WWOX: variants seen among roughly 807,000 people sequenced by gnomAD.
WWOX encodes WW domain-containing oxidoreductase.
A neutral mutation model predicts 46.2 loss-of-function variants in WWOX; 69 were observed. That is an observed-to-expected ratio of 1.49 (90% CI 1.23 to 1.82). The LOEUF is 1.82. Among genes scored for constraint, WWOX ranks in the 40% most tolerant of loss-of-function variants. The probability of loss-of-function intolerance (pLI) is 0.00; values close to 1 mark genes in which losing one functional copy is unlikely to be tolerated. For missense variants in WWOX, 919 were observed against 542.6 expected (o/e 1.69, Z -6.89); for synonymous variants, 359 against 202.6 (o/e 1.77, Z -6.56).
chr16:78,933,187 C>G (rs773649816), intron 8 of WWOX, among the ~76,000 whole-genome samples: 82 of 152,308 alleles, frequency 5.4e-4, no homozygotes, highest in African/African-American at 1.8e-3. Context: ...GCCTGTAATC[C>G]CAGCACTTTG....
chr16:79,208,401 G>A (rs1393133765), intron 8 of WWOX, among the ~76,000 whole-genome samples: 1 of 151,904 alleles, frequency 6.6e-6, no homozygotes, highest in Non-Finnish European at 1.5e-5. Flanking sequence ...AAATCGTTTA[G>A]GGGAACCCAT....
intron 8 of WWOX, among the ~76,000 whole-genome samples, chr16:79,015,784 G>A (rs771137037): frequency 3.5e-4 from 53 of 151,694 alleles, no homozygotes; most frequent in African/African-American, 1.3e-3. Flanking sequence ...ACAGACTGTC[G>A]CTCTGTCGCC....
intron 5 of WWOX, among the ~76,000 whole-genome samples, chr16:78,381,005 A>G (rs1163683116): frequency 1.3e-5 from 2 of 152,170 alleles, no homozygotes; most frequent in African/African-American, 4.8e-5. Context: ...ATGCTCATTC[A>G]TAATTAAGGC....
At chr16:78,907,905 C>A (rs1262540959) in intron 8 of WWOX, among the ~76,000 whole-genome samples, 1 of 152,200 alleles carries the variant, frequency 6.6e-6, no homozygotes, top group Non-Finnish European at 1.5e-5. Flanking sequence ...AATTCACCAA[C>A]TGCAAGGGGC....
chr16:78,380,500 C>T (rs1397307126), intron 5 of WWOX, among the ~76,000 whole-genome samples: 3 of 152,118 alleles, frequency 2.0e-5, no homozygotes, highest in Non-Finnish European at 4.4e-5. Context: ...AGTGACGACC[C>T]ATTCAGCCGT....
chr16:78,390,782 T>C (rs1272734891), intron 6 of WWOX, among the ~76,000 whole-genome samples: 2 of 152,210 alleles, frequency 1.3e-5, no homozygotes, highest in African/African-American at 4.8e-5. Context: ...TAAAATTTTC[T>C]TGTGTGTAAA....
chr16:78,403,304 A>G (rs1352421771), intron 6 of WWOX, among the ~76,000 whole-genome samples: 2 of 152,124 alleles, frequency 1.3e-5, no homozygotes, highest in African/African-American at 4.8e-5. Flanking sequence ...ATTTAAATAA[A>G]CTCTCTTTGC....
chr16:78,403,626 A>G (rs992367395), intron 6 of WWOX, among the ~76,000 whole-genome samples: 9 of 152,148 alleles, frequency 5.9e-5, no homozygotes, highest in Non-Finnish European at 8.8e-5. Context: ...TATTATTTTA[A>G]TAGAAGCACT....
chr16:78,906,542 G>A lies in WWOX; in HGVS notation c.1057-305066G>A, dbSNP rs963189653. 6.2e-4 allele frequency among the ~76,000 whole-genome samples: 94 copies of A among 152,182 alleles called. 1 individual carries two copies. The highest frequency in any genetic ancestry group is 2.2e-3 in the African/African-American group (93 of 41,518). On this transcript the variant is annotated intron_variant, in intron 8 of 8. Transcript: ENST00000566780. ...AGGCCACGATTGCAGGGTAGTCCACGGCTTCCAAAGAGAACTGCATAAATA... is the reference window on the plus strand; with the variant it reads ...AGGCCACGATTGCAGGGTAGTCCACAGCTTCCAAAGAGAACTGCATAAATA...
chr16:79,115,716 GA>G (rs1281907525), intron 8 of WWOX, among the ~76,000 whole-genome samples: 2 of 152,032 alleles, frequency 1.3e-5, no homozygotes, highest in Non-Finnish European at 1.5e-5. Flanking sequence ...TTAAATAAGA[GA>G]AAAAAACAGT....
intron 8 of WWOX, among the ~76,000 whole-genome samples, chr16:78,623,511 C>T (rs1040006519): frequency 1.3e-5 from 2 of 152,120 alleles, no homozygotes; most frequent in Non-Finnish European, 2.9e-5. Context: ...GAAACCCCAT[C>T]TCTACTAAAA....
chr16:78,522,087 T>C (rs1320935705), intron 8 of WWOX, among the ~76,000 whole-genome samples: 1 of 151,316 alleles, frequency 6.6e-6, no homozygotes, highest in Non-Finnish European at 1.5e-5. Context: ...ATCCACAGCC[T>C]GTGCTCTTTT....
At chr16:78,206,885 AT>A (rs2036412692) in intron 5 of WWOX, among the ~76,000 whole-genome samples, 1 of 152,238 alleles carries the variant, frequency 6.6e-6, no homozygotes, top group Non-Finnish European at 1.5e-5. Flanking sequence ...GTGTTGCAAA[AT>A]TGAGATAATG....
At chr16:78,716,536 C>G (rs2048565890) in intron 8 of WWOX, among the ~76,000 whole-genome samples, 1 of 152,048 alleles carries the variant, frequency 6.6e-6, no homozygotes, top group Non-Finnish European at 1.5e-5. Context: ...CTTTTGGGTC[C>G]CTATGTCACC....
intron 5 of WWOX, among the ~76,000 whole-genome samples, chr16:78,248,394 T>G (rs531454445): frequency 9.3e-4 from 141 of 152,214 alleles, no homozygotes; most frequent in Admixed American, 2.4e-3. Context: ...TCTGTCCGCA[T>G]GATCTAATCA....
At chr16:78,710,441 C>G (rs568351584) in intron 8 of WWOX, among the ~76,000 whole-genome samples, 1 of 119,370 alleles carries the variant, frequency 8.4e-6, no homozygotes, top group South Asian at 2.8e-4. Context: ...GAATTTATCC[C>G]TTCTGTTGAT....
At chr16:78,593,946 G>C (rs1273548128) in intron 8 of WWOX, among the ~76,000 whole-genome samples, 1 of 152,150 alleles carries the variant, frequency 6.6e-6, no homozygotes, top group Non-Finnish European at 1.5e-5. Context: ...ACCTTAGTTT[G>C]CGTCTTTGTC....
At chr16:78,836,827 A>T (rs527288338) in intron 8 of WWOX, among the ~76,000 whole-genome samples, 190 of 152,318 alleles carry the variant, frequency 1.2e-3, no homozygotes, top group African/African-American at 4.4e-3. Context: ...ATTCCTAATC[A>T]CGGGACTGAG....
At chr16:78,300,406 G>A (rs1452860864) in intron 5 of WWOX, among the ~76,000 whole-genome samples, 1 of 152,092 alleles carries the variant, frequency 6.6e-6, no homozygotes, top group East Asian at 1.9e-4. Flanking sequence ...CTCAGTGGGT[G>A]CCATAACATG....
Sources: allele counts gnomAD v4.1 joint callset (sites outside exome capture counted in the v4.1 genomes callset), GRCh38; gene constraint gnomAD v4.1.1; transcripts MANE v1.5; gene names NCBI Gene and HGNC (gene_info 2026-07-23, HGNC 2026-07-21).